The following ARHGAP10 variants were observed in gnomAD, a reference collection of about 807,000 sequenced individuals.
ARHGAP10 encodes Rho GTPase activating protein 10.
Under a neutral mutation model 108.6 loss-of-function variants are expected in ARHGAP10, and 87 were observed. The observed-to-expected ratio is 0.80, with a 90% confidence interval of 0.67 to 0.96. The LOEUF is 0.96. Ranked by LOEUF, ARHGAP10 falls within the 40% of genes least tolerant of loss-of-function variation. The pLI, the probability that ARHGAP10 is intolerant of heterozygous loss-of-function variation, is 0.00. For missense variants in ARHGAP10, 939 were observed against 954.5 expected, an observed-to-expected ratio of 0.98 and a Z score of 0.21; for synonymous variants, 347 against 341.1, an observed-to-expected ratio of 1.02 and a Z score of -0.19.
intron 1 of ARHGAP10, among the ~76,000 whole-genome samples, chr4:147,806,599 A>G (rs1731796143): frequency 6.6e-6 from 1 of 152,114 alleles, no homozygotes; most frequent in Non-Finnish European, 1.5e-5. Flanking sequence ...TGCTGTGGGA[A>G]AATGTTAGTT....
chr4:147,753,247 A>C (rs768378823), intron 1 of ARHGAP10, among the ~76,000 whole-genome samples: 70 of 152,218 alleles, frequency 4.6e-4, no homozygotes, highest in Non-Finnish European at 8.5e-4. Context: ...ATAAGGAAAC[A>C]TGAAACATGC....
intron 19 of ARHGAP10, among the ~76,000 whole-genome samples, chr4:148,028,328 C>G (rs1727977264): frequency 6.6e-6 from 1 of 152,112 alleles, no homozygotes; most frequent in Admixed American, 6.5e-5. Context: ...GACTTAGACC[C>G]AGGAGAGACA....
intron 18 of ARHGAP10, among the ~76,000 whole-genome samples, chr4:147,992,236 C>G (rs569088680): frequency 4.6e-5 from 7 of 152,038 alleles, no homozygotes; most frequent in Non-Finnish European, 8.8e-5. Context: ...TGCTGTCGTT[C>G]GGTCCCCACA....
chr4:147,888,567 T>G (rs1225360498), intron 10 of ARHGAP10, among the ~76,000 whole-genome samples: 1 of 152,212 alleles, frequency 6.6e-6, no homozygotes, highest in Non-Finnish European at 1.5e-5. Context: ...TTTCTAAAGC[T>G]CCTTGGTTAA....
At chr4:147,933,888 A>G (rs2126953032) in intron 13 of ARHGAP10, among the ~76,000 whole-genome samples, 1 of 152,144 alleles carries the variant, frequency 6.6e-6, no homozygotes, top group South Asian at 2.1e-4. Context: ...TCAACATGAG[A>G]TTGTTCCCTG....
chr4:147,837,881 T>A (rs1327336289), intron 3 of ARHGAP10, among the ~76,000 whole-genome samples: 1 of 152,042 alleles, frequency 6.6e-6, no homozygotes, highest in African/African-American at 2.4e-5. Context: ...ATGTGCCTGA[T>A]TGTAAGACAA....
intron 11 of ARHGAP10, among the ~76,000 whole-genome samples, chr4:147,908,617 T>G (rs935968013): frequency 6.6e-6 from 1 of 152,232 alleles, no homozygotes; most frequent in South Asian, 2.1e-4. Context: ...TTCTTAAAGG[T>G]TGCCTAGAAT....
At chr4:147,786,828 G>A (rs1463177958) in intron 1 of ARHGAP10, among the ~76,000 whole-genome samples, 4 of 152,218 alleles carry the variant, frequency 2.6e-5, no homozygotes, top group African/African-American at 9.6e-5. Flanking sequence ...AGCCTGTGCT[G>A]TCTTTCCTCC....
chr4:147,907,609 T>C (rs1290455569), intron 11 of ARHGAP10, among the ~76,000 whole-genome samples: 1 of 152,162 alleles, frequency 6.6e-6, no homozygotes, highest in East Asian at 1.9e-4. Flanking sequence ...TATCTTGTGG[T>C]AACAGAGAGC....
Position 147,852,867 on chromosome 4 carries a change from C to T in ARHGAP10, c.385-4686C>T, listed in dbSNP as rs566317649. 2.6e-5 allele frequency among the ~76,000 whole-genome samples: 4 copies of T among 151,910 alleles called. No homozygotes were observed. The South Asian group carries it at 6.3e-4, about 24-fold the overall frequency. ...CCAAGTAGCTGGGATTACAGACATG[C>T]GCCAGCACGCCAGGCTAATTTTGTA... is the stretch of plus-strand genomic sequence containing the variant. On this transcript the variant is annotated intron_variant, in intron 4 of 22. Coordinates refer to ENST00000336498, the MANE Select transcript of ARHGAP10 (RefSeq NM_024605.4).
intron 4 of ARHGAP10, among the ~76,000 whole-genome samples, chr4:147,851,627 A>G (rs1464816162): frequency 1.3e-5 from 2 of 152,228 alleles, no homozygotes; most frequent in African/African-American, 4.8e-5. Context: ...TTAATAGAGC[A>G]GAAACAATAT....
At chr4:148,005,060 T>G (rs1740892788) in intron 18 of ARHGAP10, among the ~76,000 whole-genome samples, 1 of 152,230 alleles carries the variant, frequency 6.6e-6, no homozygotes, top group South Asian at 2.1e-4. Context: ...TGCCACTTGC[T>G]GATCCAACTT....
intron 18 of ARHGAP10, among the ~76,000 whole-genome samples, chr4:147,981,978 C>T (rs1739824969): frequency 1.3e-5 from 2 of 152,174 alleles, no homozygotes; most frequent in South Asian, 4.1e-4. Context: ...GGGTCTCTTG[C>T]AAACAGCAGA....
intron 19 of ARHGAP10, among the ~76,000 whole-genome samples, chr4:148,045,857 CG>C: frequency 6.6e-6 from 1 of 150,672 alleles, no homozygotes; most frequent in East Asian, 2.0e-4. Context: ...AGTGAGGAAA[CG>C]TGAAGCTTTA....
At chr4:147,927,628 C>G (rs1737513037) in intron 13 of ARHGAP10, among the ~76,000 whole-genome samples, 1 of 152,130 alleles carries the variant, frequency 6.6e-6, no homozygotes, top group Non-Finnish European at 1.5e-5. Flanking sequence ...GGTCACACAA[C>G]TAGGCAAAGC....
chr4:148,012,313 A>G (rs936552534), intron 18 of ARHGAP10, among the ~76,000 whole-genome samples: 1 of 152,214 alleles, frequency 6.6e-6, no homozygotes, highest in South Asian at 2.1e-4. Context: ...GTGAGTTCCA[A>G]ACCAATAGGT....
chr4:147,883,010 A>C (rs1445716324), intron 10 of ARHGAP10, among the ~76,000 whole-genome samples: 2 of 152,222 alleles, frequency 1.3e-5, no homozygotes, highest in East Asian at 3.8e-4. Flanking sequence ...CCAGGAATAC[A>C]AAAGTAATTA....
At chr4:147,800,449 T>C (rs1230103215) in intron 1 of ARHGAP10, among the ~76,000 whole-genome samples, 1 of 152,140 alleles carries the variant, frequency 6.6e-6, no homozygotes, top group Non-Finnish European at 1.5e-5. Context: ...CCCCTAGTTA[T>C]TGTTGGTGGG....
At chr4:147,776,222 T>C (rs1730283817) in intron 1 of ARHGAP10, among the ~76,000 whole-genome samples, 2 of 152,058 alleles carry the variant, frequency 1.3e-5, no homozygotes, top group Non-Finnish European at 2.9e-5. Context: ...GAATGAATGA[T>C]GGAAAAAAAA....
Sources: gnomAD v4.1 joint callset for allele counts (sites outside exome capture counted in the v4.1 genomes callset) on GRCh38, gnomAD v4.1.1 for gene constraint, MANE v1.5 for transcripts, NCBI Gene and HGNC (gene_info 2026-07-23, HGNC 2026-07-21) for gene names.